Variants in CELF2 observed in about 807,000 individuals in gnomAD.
CELF2 encodes the protein CUGBP Elav-like family member 2, also known as CUG triplet repeat RNA-binding protein 2.
A neutral mutation model predicts 62.6 loss-of-function variants in CELF2; 8 were observed. That is an observed-to-expected ratio of 0.13 (90% CI 0.07 to 0.23). The LOEUF (loss-of-function observed/expected upper bound fraction) is 0.23. Among genes scored for constraint, CELF2 ranks in the 10% least tolerant of loss-of-function variants. CELF2 has a pLI of 1.00. For synonymous variants in CELF2, 258 were observed against 250.0 expected, an observed-to-expected ratio of 1.03 and a Z score of -0.30; for missense variants, 333 against 671.0, an observed-to-expected ratio of 0.50 and a Z score of 5.56.
chr10:10,884,452 T>C (rs1387161836), intron 1 of CELF2, among the ~76,000 whole-genome samples: 7 of 152,198 alleles, frequency 4.6e-5, no homozygotes, highest in Non-Finnish European at 1.0e-4. Flanking sequence ...AAAGTATGAG[T>C]TCACACAAAC....
chr10:11,050,075 G>A (rs549526409), intron 1 of CELF2, among the ~76,000 whole-genome samples: 106 of 152,294 alleles, frequency 7.0e-4, no homozygotes, highest in African/African-American at 2.4e-3. Context: ...AGGATGTGTG[G>A]CTCAGCTGGG....
the CELF2 span, among the ~76,000 whole-genome samples, chr10:10,767,823 C>T: frequency 1.3e-5 from 2 of 151,676 alleles, no homozygotes; most frequent in Non-Finnish European, 2.9e-5. Context: ...GGTGAAACCC[C>T]GTCTCTACTA....
At chr10:10,587,284 A>G in the CELF2 span, among the ~76,000 whole-genome samples, 3 of 152,352 alleles carry the variant, frequency 2.0e-5, no homozygotes, top group African/African-American at 7.2e-5. Context: ...TAGGACATGC[A>G]TAATCCACTT....
At chr10:10,948,784 C>A (rs182522356) in intron 2 of CELF2, among the ~76,000 whole-genome samples, 4 of 152,094 alleles carry the variant, frequency 2.6e-5, no homozygotes, top group Non-Finnish European at 4.4e-5. Context: ...CATGTTTTTA[C>A]GTTCTAAATC....
the CELF2 span, among the ~76,000 whole-genome samples, chr10:10,609,441 C>A: frequency 6.7e-6 from 1 of 150,364 alleles, no homozygotes; most frequent in Non-Finnish European, 1.5e-5. Context: ...CAAGATTTCC[C>A]GAATACCACC....
intron 1 of CELF2, among the ~76,000 whole-genome samples, chr10:11,119,053 A>G (rs571581055): frequency 6.6e-6 from 1 of 152,282 alleles, no homozygotes; most frequent in South Asian, 2.1e-4. Flanking sequence ...CATCCAGTTG[A>G]CCAGCTACAT....
chr10:10,919,540 G>A (rs2064683761), intron 1 of CELF2, among the ~76,000 whole-genome samples: 1 of 152,182 alleles, frequency 6.6e-6, no homozygotes, highest in African/African-American at 2.4e-5. Flanking sequence ...GGTGACAGAG[G>A]TCAACATGAA....
the CELF2 span, among the ~76,000 whole-genome samples, chr10:10,511,746 T>C: frequency 6.6e-6 from 1 of 152,124 alleles, no homozygotes; most frequent in Non-Finnish European, 1.5e-5. Flanking sequence ...AATAATAATA[T>C]TACCTACTTC....
chr10:10,761,817 A>G, the CELF2 span, among the ~76,000 whole-genome samples: 1 of 151,972 alleles, frequency 6.6e-6, no homozygotes, highest in African/African-American at 2.4e-5. Flanking sequence ...GAGCTAAACC[A>G]TGGGCTCCTG....
At chr10:11,069,856 CA>C (rs1177964760) in intron 1 of CELF2, among the ~76,000 whole-genome samples, 9 of 152,150 alleles carry the variant, frequency 5.9e-5, no homozygotes, top group African/African-American at 2.2e-4. Flanking sequence ...CGAAAAGAAC[CA>C]GAAGTAATGA....
At chr10:10,952,699 G>A (rs2135767447) in intron 2 of CELF2, among the ~76,000 whole-genome samples, 1 of 151,840 alleles carries the variant, frequency 6.6e-6, no homozygotes, top group Non-Finnish European at 1.5e-5. Context: ...AGAGGTGGGG[G>A]ATTGTAGTTA....
intron 3 of CELF2, among the ~76,000 whole-genome samples, chr10:11,241,731 G>T (rs2073961539): frequency 6.6e-6 from 1 of 152,100 alleles, no homozygotes; most frequent in Non-Finnish European, 1.5e-5. Context: ...ACAGTGGCTG[G>T]AATTAGAGTC....
chr10:11,323,108 T>C (rs1382714206), intron 11 of CELF2, among the ~76,000 whole-genome samples: 1 of 152,184 alleles, frequency 6.6e-6, no homozygotes, highest in Non-Finnish European at 1.5e-5. Context: ...AGGTTTCATC[T>C]GAGCCCACTG....
chr10:10,854,535 A>T (rs1345939349), intron 1 of CELF2, among the ~76,000 whole-genome samples: 4 of 152,140 alleles, frequency 2.6e-5, no homozygotes, highest in Non-Finnish European at 5.9e-5. Flanking sequence ...AAAAATAATT[A>T]TTGGCAAAAA....
intron 1 of CELF2, among the ~76,000 whole-genome samples, chr10:11,088,227 A>C (rs2047339516): frequency 6.6e-6 from 1 of 152,188 alleles, no homozygotes; most frequent in African/African-American, 2.4e-5. Flanking sequence ...ACGAATTTGT[A>C]CCCATGGCTA....
At chr10:11,172,893 G>A (rs1326586262) in intron 2 of CELF2, among the ~76,000 whole-genome samples, 1 of 152,222 alleles carries the variant, frequency 6.6e-6, no homozygotes, top group African/African-American at 2.4e-5. Flanking sequence ...AAAGAAAACA[G>A]GCGCTGGATG....
chr10:11,062,906 C>T (rs1254587449), intron 1 of CELF2, among the ~76,000 whole-genome samples: 1 of 147,368 alleles, frequency 6.8e-6, no homozygotes, highest in Non-Finnish European at 1.5e-5. Flanking sequence ...CATGGTTGTC[C>T]TGTTTTAAGA....
intron 1 of CELF2, among the ~76,000 whole-genome samples, chr10:10,800,354 G>A (rs2054538165): frequency 6.6e-6 from 1 of 151,868 alleles, no homozygotes; most frequent in East Asian, 1.9e-4. Flanking sequence ...TAATATTAAT[G>A]TACATTTTTT....
chr10:10,894,748 T>C lies in CELF2; in HGVS notation c.54-25216T>C, dbSNP rs369047922. Among the ~76,000 whole-genome samples, 20 of 152,318 alleles carry C rather than the reference T, an allele frequency of 1.3e-4. No homozygotes were observed. The East Asian group carries it at 2.1e-3, about 16-fold the overall frequency. On this transcript the variant is annotated intron_variant, in intron 1 of 13. Transcript: ENST00000636488. ...ATATTTATAAATGGTGCTAATCCTA[T>C]TCACAAACTTAGAGTGCAGGGCAGT...
Sources: gnomAD v4.1 joint callset for allele counts (sites outside exome capture counted in the v4.1 genomes callset) on GRCh38, gnomAD v4.1.1 for gene constraint, MANE v1.5 for transcripts, NCBI Gene and HGNC (gene_info 2026-07-23, HGNC 2026-07-21) for gene names.